Variants in SLC24A4 observed in about 807,000 individuals in gnomAD.
SLC24A4 encodes the protein sodium/potassium/calcium exchanger 4.
Under a neutral mutation model 79.0 loss-of-function variants are expected in SLC24A4, and 53 were observed. The ratio of observed to expected loss-of-function variants is 0.67; its 90% CI spans 0.54 to 0.84. SLC24A4 has a LOEUF of 0.84. Ranked by LOEUF, SLC24A4 falls within the 40% of genes least tolerant of loss-of-function variation. SLC24A4 has a pLI of 0.00. For synonymous variants in SLC24A4, 323 were observed against 323.8 expected (o/e 1.00, Z 0.03); for missense variants, 731 against 822.0 (o/e 0.89, Z 1.35).
chr14:92,475,427 C>T (rs903153350), intron 12 of SLC24A4, among the ~76,000 whole-genome samples: 3 of 152,312 alleles, frequency 2.0e-5, no homozygotes, highest in East Asian at 1.9e-4. Context: ...GTTTGCAACC[C>T]AGTCAGGAGA....
intron 13 of SLC24A4, chr14:92,484,941 G>A (rs10134585): frequency 1 from 945,969 of 947,054 alleles, 472,454 homozygotes; most frequent in Middle Eastern, 1. Flanking sequence ...CTTGTGTCGA[G>A]TTAGTGTTGT....
chr14:92,442,524 T>G (rs1474935001), intron 5 of SLC24A4, among the ~76,000 whole-genome samples, 189 bp from the exon 6 acceptor site: 1 of 152,174 alleles, frequency 6.6e-6, no homozygotes, highest in Non-Finnish European at 1.5e-5. Context: ...AAGGGAAGAT[T>G]GGAGTAGCTG....
intron 2 of SLC24A4, among the ~76,000 whole-genome samples, chr14:92,373,200 A>G (rs1242293929): frequency 1.7e-5 from 1 of 57,994 alleles, no homozygotes; most frequent in South Asian, 9.6e-4. Flanking sequence ...ACACGCACAC[A>G]CACACACACA....
chr14:92,429,636 G>A (rs1891753892), intron 2 of SLC24A4, among the ~76,000 whole-genome samples: 1 of 152,220 alleles, frequency 6.6e-6, no homozygotes, highest in South Asian at 2.1e-4. Context: ...TACAAGAACA[G>A]AGGGCCTGCT....
chr14:92,382,622 A>G (rs1188658923), intron 2 of SLC24A4, among the ~76,000 whole-genome samples: 1 of 152,174 alleles, frequency 6.6e-6, no homozygotes, highest in Non-Finnish European at 1.5e-5. Context: ...AAAGGAAGAA[A>G]GGTCACTTGC....
chr14:92,351,500 C>T (rs575230693), intron 2 of SLC24A4, among the ~76,000 whole-genome samples: 1 of 152,340 alleles, frequency 6.6e-6, no homozygotes, highest in Non-Finnish European at 1.5e-5. Flanking sequence ...TCTTCTGCCT[C>T]CACTAAATGA....
intron 2 of SLC24A4, among the ~76,000 whole-genome samples, chr14:92,377,927 G>A (rs1312876014): frequency 6.6e-6 from 1 of 151,716 alleles, no homozygotes; most frequent in Non-Finnish European, 1.5e-5. Context: ...GAAGCAGGGT[G>A]TTGATACCTA....
At chr14:92,472,370 C>A (rs1284425332) in intron 12 of SLC24A4, among the ~76,000 whole-genome samples, 1 of 152,094 alleles carries the variant, frequency 6.6e-6, no homozygotes, top group Non-Finnish European at 1.5e-5. Context: ...ACATACTGAA[C>A]CCAATTTGTC....
chr14:92,493,476 G>A lies in SLC24A4; in HGVS notation c.1717G>A (p.Val573Ile). 6.2e-7 allele frequency: 1 copy of A among 1,614,066 alleles called. No individual in the cohort carries two copies. The highest frequency in any genetic ancestry group is 8.5e-7 in the Non-Finnish European group (1 of 1,179,994). The part of the protein sequence containing the change: ...VLLLGSVALT[V>I]LGIHLNKWRL... ...CAGTTCCCACACTCTGTCCTCCCAG[G>A]TCCTCGGCATCCACCTAAACAAGTG... The change falls in exon 17 of 17, where the codon GTC (valine) becomes ATC (isoleucine). Residue 573 changes from valine (V) to isoleucine (I), a missense_variant and splice_region_variant. By Grantham distance (29) the Val-to-Ile change is conservative. Transcript: ENST00000532405.
At chr14:92,443,283 G>A in intron 6 of SLC24A4, 117 bp from the exon 7 acceptor site, 1 of 897,054 alleles carries the variant, frequency 1.1e-6, no homozygotes, top group Non-Finnish European at 1.8e-6. Flanking sequence ...GTGGCCTGGA[G>A]TTAGGAGGTG....
rs529844764 is a variant in SLC24A4, at chr14:92,384,168, C to A, written c.242-49744C>A. 2.4e-3 allele frequency among the ~76,000 whole-genome samples: 360 copies of A among 152,238 alleles called. 2 individuals carry two copies. Among genetic ancestry groups the A allele is most frequent in the African/African-American group, 8.1e-3 (337 of 41,530 alleles). ...TACACTCCACAGCTCCTCAGAAGAG[C>A]GTGGCAAACAGGGTCTTTGGGGTAA... is the stretch of plus-strand genomic sequence containing the variant. On this transcript the variant is annotated intron_variant, in intron 2 of 16. Transcript: ENST00000532405.
chr14:92,333,468 G>A (rs8020864), intron 2 of SLC24A4, among the ~76,000 whole-genome samples: 149,468 of 152,300 alleles, frequency 0.98, 73,404 homozygotes, highest in East Asian at 1. Context: ...CCAATGTCCT[G>A]TGCCCCATGT....
At chr14:92,459,409 A>G (rs1893665947) in intron 12 of SLC24A4, among the ~76,000 whole-genome samples, 1 of 151,962 alleles carries the variant, frequency 6.6e-6, no homozygotes, top group Admixed American at 6.6e-5. Flanking sequence ...GGTTCTCTGC[A>G]CCCCTGAGTC....
chr14:92,493,046 A>G (rs1180473553), intron 16 of SLC24A4: 4 of 383,770 alleles, frequency 1.0e-5, no homozygotes, highest in Admixed American at 3.2e-5. Flanking sequence ...CCAGGGGTCC[A>G]TAGGAGCCTT....
chr14:92,324,862 G>A (rs1209552681), intron 1 of SLC24A4, among the ~76,000 whole-genome samples: 1 of 152,142 alleles, frequency 6.6e-6, no homozygotes, highest in Non-Finnish European at 1.5e-5. Context: ...TAGAAAGGCC[G>A]TCAACATCCA....
chr14:92,397,528 C>T (rs1383943771), intron 2 of SLC24A4, among the ~76,000 whole-genome samples: 1 of 152,164 alleles, frequency 6.6e-6, no homozygotes, highest in Non-Finnish European at 1.5e-5. Context: ...GCCAAAGCAT[C>T]CTGGAGGAGG....
chr14:92,333,418 T>C (rs966157763), intron 2 of SLC24A4, among the ~76,000 whole-genome samples: 8 of 152,192 alleles, frequency 5.3e-5, no homozygotes, highest in East Asian at 3.9e-4. Flanking sequence ...TGAATGTTTT[T>C]TTTCATTCTC....
At position 92,492,959 on chromosome 14, in the gene SLC24A4, A is replaced by AACACACACACACAC. The variant is rs551206469; in HGVS notation, c.1717-471_1717-458dup. On this transcript the variant is annotated intron_variant, in intron 16 of 16. Coordinates refer to ENST00000532405, the MANE Select transcript of SLC24A4 (RefSeq NM_153646.4). ...TTCCGTGCTTTAACCCTCTACCCCA[A>AACACACACACACAC]ACACACACACACACACACACACACA... is the stretch of plus-strand genomic sequence containing the variant. 81 of 299,366 alleles carry AACACACACACACAC rather than the reference A, an allele frequency of 2.7e-4. 1 individual carries two copies. The highest frequency in any genetic ancestry group is 1.9e-3 in the African/African-American group (64 of 34,082). The allele number at this position is 299,366 out of a possible 1,614,324, so 18.5% of individuals were successfully genotyped here.
chr14:92,442,714 G>T lies in SLC24A4; in HGVS notation c.480G>T (p.Gly160=). The change falls in exon 6 of 17, where the codon GGG becomes GGT. Residue 160 remains glycine, a splice_region_variant and synonymous_variant. Transcript: ENST00000532405. The part of the protein sequence containing the change: ...STPELFASVI[G]VFITHGDVGV... ...AGGGTCTGTGTGTTTCCTTTCCAGG[G>T]GTGTTCATCACCCATGGGGACGTCG... 2 of 1,611,300 alleles carry T rather than the reference G, an allele frequency of 1.2e-6. No individual in the cohort carries two copies. The highest frequency in any genetic ancestry group is 8.5e-7 in the Non-Finnish European group (1 of 1,177,450).
Sources: gnomAD v4.1 joint callset for allele counts (sites outside exome capture counted in the v4.1 genomes callset) on GRCh38, gnomAD v4.1.1 for gene constraint, MANE v1.5 for transcripts, NCBI Gene and HGNC (gene_info 2026-07-23, HGNC 2026-07-21) for gene names.